Variants in RARB observed in about 807,000 individuals in gnomAD.
The protein encoded by RARB is HBV-activated protein.
RARB carries 17 observed loss-of-function variants against 51.9 expected under a neutral mutation model. That is an observed-to-expected ratio of 0.33 (90% CI 0.22 to 0.49). RARB has a LOEUF of 0.49. Ranked by LOEUF, RARB falls within the 20% of genes least tolerant of loss-of-function variation. RARB has a pLI of 0.99. For missense variants in RARB, 369 were observed against 550.8 expected, an observed-to-expected ratio of 0.67 and a Z score of 3.30; for synonymous variants, 215 against 195.4, an observed-to-expected ratio of 1.10 and a Z score of -0.84.
At chr3:25,388,701 A>C (rs1706863722) in intron 5 of RARB, among the ~76,000 whole-genome samples, 1 of 152,226 alleles carries the variant, frequency 6.6e-6, no homozygotes, top group Non-Finnish European at 1.5e-5. Context: ...GCTTAGCATA[A>C]GAAAGTAGTT....
chr3:25,018,264 C>T (rs1697557521), intron 2 of RARB, among the ~76,000 whole-genome samples: 2 of 151,510 alleles, frequency 1.3e-5, no homozygotes, highest in Admixed American at 1.3e-4. Flanking sequence ...ATCAGATTTC[C>T]TGAAACTATA....
At chr3:25,372,431 A>G (rs1375838888) in intron 5 of RARB, among the ~76,000 whole-genome samples, 1 of 152,228 alleles carries the variant, frequency 6.6e-6, no homozygotes, top group African/African-American at 2.4e-5. Context: ...TACTTCAAGG[A>G]GAAATTTTTG....
At position 24,882,034 on chromosome 3, in the gene RARB, T is replaced by A. The variant is rs200730947; in HGVS notation, c.-380+23282T>A. Among the ~76,000 whole-genome samples the A allele has an allele frequency of 1.2e-4, 18 of 152,190 alleles. No homozygotes were observed. In the East Asian group the frequency reaches 3.5e-3, roughly 29 times the overall value. On this transcript the variant is annotated intron_variant, in intron 2 of 11. Transcript: ENST00000383772. Reference sequence around the variant, plus strand: ...GAATATTGCCATAACAATGAAAAATTGAATATTGAAAAAATGAAAGTCTAA... The same window carrying A: ...GAATATTGCCATAACAATGAAAAATAGAATATTGAAAAAATGAAAGTCTAA...
intron 1 of RARB, among the ~76,000 whole-genome samples, chr3:24,858,395 A>T (rs960360083): frequency 2.0e-5 from 3 of 152,144 alleles, no homozygotes; most frequent in Non-Finnish European, 2.9e-5. Context: ...ACGTAAGCCC[A>T]CCCCTGAGCC....
chr3:25,013,964 T>A (rs1697453400), intron 2 of RARB, among the ~76,000 whole-genome samples: 1 of 152,032 alleles, frequency 6.6e-6, no homozygotes, highest in African/African-American at 2.4e-5. Context: ...GATTGAGGTG[T>A]TTAATGTCAT....
intron 5 of RARB, among the ~76,000 whole-genome samples, chr3:25,197,854 T>C (rs1423151079): frequency 1.3e-5 from 2 of 152,068 alleles, no homozygotes; most frequent in Non-Finnish European, 2.9e-5. Context: ...ATCTTCATAC[T>C]ACGCGAAGCA....
intron 3 of RARB, among the ~76,000 whole-genome samples, chr3:25,514,055 G>A (rs1698038546): frequency 6.6e-6 from 1 of 152,196 alleles, no homozygotes; most frequent in Non-Finnish European, 1.5e-5. Flanking sequence ...GGAAACAAAT[G>A]TCTCCCTAAA....
intron 3 of RARB, among the ~76,000 whole-genome samples, chr3:25,116,421 T>C (rs370388948): frequency 4.1e-5 from 4 of 96,822 alleles, no homozygotes; most frequent in African/African-American, 1.3e-4. Context: ...AAACATCTTA[T>C]TAAAGTTTAC....
chr3:25,359,114 C>CT (rs879142636), intron 5 of RARB, among the ~76,000 whole-genome samples: 1 of 151,830 alleles, frequency 6.6e-6, no homozygotes. Flanking sequence ...TGGTTCTGGG[C>CT]TTTTTTTGGT....
intron 3 of RARB, among the ~76,000 whole-genome samples, chr3:25,104,566 C>T (rs533472176): frequency 3.3e-5 from 5 of 152,214 alleles, no homozygotes; most frequent in African/African-American, 9.6e-5. Context: ...ATTGCTTGAG[C>T]CTAGGAGGTG....
At chr3:25,036,389 G>A (rs557304987) in intron 2 of RARB, among the ~76,000 whole-genome samples, 6 of 152,128 alleles carry the variant, frequency 3.9e-5, no homozygotes, top group African/African-American at 7.2e-5. Context: ...CCATTCTACC[G>A]TAAAAATGTA....
At chr3:25,287,941 A>G (rs899007230) in intron 5 of RARB, among the ~76,000 whole-genome samples, 6 of 152,080 alleles carry the variant, frequency 3.9e-5, no homozygotes, top group South Asian at 2.1e-4. Context: ...ACTTAATTCA[A>G]TATGCATTAT....
intron 5 of RARB, among the ~76,000 whole-genome samples, chr3:25,382,886 A>T (rs901183315): frequency 4.6e-5 from 7 of 152,140 alleles, no homozygotes; most frequent in African/African-American, 1.7e-4. Context: ...AAGTATCAGG[A>T]TAACACAGCT....
At position 25,572,069 on chromosome 3, in the gene RARB, G is replaced by A. The variant is rs1700733824; in HGVS notation, c.609+2151G>A. ...GGCCCTGTATTGAGCTGTGTATCAA[G>A]GTGAGGGCGTCTTGACCTAAGAAAT... On this transcript the variant is annotated intron_variant, in intron 4 of 7. Coordinates refer to ENST00000330688, the MANE Select transcript of RARB (RefSeq NM_000965.5). Among the ~76,000 whole-genome samples, 3 of 152,184 alleles carry A rather than the reference G, an allele frequency of 2.0e-5. No homozygotes were observed. The South Asian group carries it at 6.2e-4, about 32-fold the overall frequency.
chr3:25,594,920 G>C (rs188138913), intron 7 of RARB, among the ~76,000 whole-genome samples: 2 of 150,282 alleles, frequency 1.3e-5, no homozygotes, highest in Admixed American at 6.6e-5. Flanking sequence ...TGACTGATTA[G>C]AAAAACATTG....
intron 5 of RARB, among the ~76,000 whole-genome samples, chr3:25,200,568 G>A (rs1347582770): frequency 2.6e-5 from 4 of 152,054 alleles, no homozygotes; most frequent in Non-Finnish European, 5.9e-5. Context: ...GGGTTTTTAT[G>A]GTTTAGGTCT....
chr3:25,117,339 A>G (rs919685751), intron 3 of RARB, among the ~76,000 whole-genome samples: 9 of 152,206 alleles, frequency 5.9e-5, no homozygotes, highest in African/African-American at 2.2e-4. Context: ...TGAGAACTGA[A>G]TAAAAGTTCA....
intron 2 of RARB, among the ~76,000 whole-genome samples, chr3:24,929,441 G>A (rs1695395436): frequency 6.6e-6 from 1 of 152,082 alleles, no homozygotes. Flanking sequence ...AAAATGTTCT[G>A]AGCTGTAGTT....
At chr3:25,531,687 A>G (rs890523965) in intron 3 of RARB, among the ~76,000 whole-genome samples, 7 of 151,074 alleles carry the variant, frequency 4.6e-5, no homozygotes, top group Non-Finnish European at 7.4e-5. Flanking sequence ...ATTTTGATAA[A>G]TTTTGTTGTA....
Sources: gnomAD v4.1 joint callset for allele counts (sites outside exome capture counted in the v4.1 genomes callset) on GRCh38, gnomAD v4.1.1 for gene constraint, MANE v1.5 for transcripts, NCBI Gene and HGNC (gene_info 2026-07-23, HGNC 2026-07-21) for gene names.